Variants in GRIK1 observed in about 807,000 individuals in gnomAD.
The protein encoded by GRIK1 is glutamate ionotropic receptor kainate type subunit 1.
In GRIK1, 69 loss-of-function variants were observed where a neutral mutation model predicts 105.7. The ratio of observed to expected loss-of-function variants is 0.65; its 90% confidence interval spans 0.54 to 0.80. The LOEUF is 0.80. Among genes scored for constraint, GRIK1 ranks in the 30% least tolerant of loss-of-function variants. The pLI is 0.00. For synonymous variants in GRIK1, 438 were observed against 431.3 expected, an observed-to-expected ratio of 1.02 and a Z score of -0.19; for missense variants, 1,109 against 1,167.3, an observed-to-expected ratio of 0.95 and a Z score of 0.73.
intron 1 of GRIK1, among the ~76,000 whole-genome samples, chr21:29,919,751 A>G (rs1429861788): frequency 1.3e-5 from 2 of 152,184 alleles, no homozygotes; most frequent in Non-Finnish European, 2.9e-5. Flanking sequence ...TTTACAAAGC[A>G]TGAGGTTGAA....
chr21:29,899,102 A>G (rs7276856), intron 1 of GRIK1, among the ~76,000 whole-genome samples: 13 of 152,336 alleles, frequency 8.5e-5, no homozygotes, highest in African/African-American at 3.1e-4. Context: ...TAAATGATTT[A>G]CCAAATTGAA....
At chr21:29,789,428 A>G (rs911239568) in intron 1 of GRIK1, among the ~76,000 whole-genome samples, 6 of 152,222 alleles carry the variant, frequency 3.9e-5, no homozygotes, top group African/African-American at 1.2e-4. Context: ...TGGAGTCATA[A>G]TAATCCCTCC....
intron 1 of GRIK1, among the ~76,000 whole-genome samples, chr21:29,932,567 AT>A (rs1208258523): frequency 1.3e-5 from 2 of 151,984 alleles, no homozygotes; most frequent in African/African-American, 4.8e-5. Context: ...TAATTACTTT[AT>A]TATTTCAAAC....
intron 1 of GRIK1, among the ~76,000 whole-genome samples, chr21:29,769,801 G>A (rs919995542): frequency 6.6e-6 from 1 of 152,116 alleles, no homozygotes; most frequent in Non-Finnish European, 1.5e-5. Context: ...GCCCTCAGGA[G>A]CAACCAACCC....
chr21:29,556,784 TA>T (rs2090267753), intron 15 of GRIK1, among the ~76,000 whole-genome samples: 1 of 152,190 alleles, frequency 6.6e-6, no homozygotes, highest in Non-Finnish European at 1.5e-5. Flanking sequence ...GAACTTTGAA[TA>T]GAAGGATTGA....
At chr21:29,904,255 A>T (rs1038383620) in intron 1 of GRIK1, among the ~76,000 whole-genome samples, 24 of 152,286 alleles carry the variant, frequency 1.6e-4, no homozygotes, top group African/African-American at 5.8e-4. Context: ...CATGTATCCC[A>T]GAACTTAAAG....
chr21:29,543,294 A>G (rs1047255046), intron 16 of GRIK1, among the ~76,000 whole-genome samples: 1 of 152,208 alleles, frequency 6.6e-6, no homozygotes, highest in Non-Finnish European at 1.5e-5. Flanking sequence ...GAATAGGAAC[A>G]GAAGAATTGT....
At chr21:29,729,121 G>A (rs940101907) in intron 1 of GRIK1, among the ~76,000 whole-genome samples, 2 of 152,122 alleles carry the variant, frequency 1.3e-5, no homozygotes, top group Non-Finnish European at 2.9e-5. Context: ...ATTCCCCAAA[G>A]CTTCCTTGAC....
At chr21:29,848,236 C>T (rs146836415) in intron 1 of GRIK1, among the ~76,000 whole-genome samples, 2 of 152,034 alleles carry the variant, frequency 1.3e-5, no homozygotes, top group African/African-American at 2.4e-5. Context: ...TCTTTCTGTC[C>T]CCGCCAATGT....
chr21:29,629,226 G>GTGTGTGTGTGTGTT (rs1405000278), intron 7 of GRIK1, among the ~76,000 whole-genome samples: 2 of 150,572 alleles, frequency 1.3e-5, no homozygotes, highest in African/African-American at 4.9e-5. Flanking sequence ...GTGTGTGTGT[G>GTGTGTGTGTGTGTT]TGTGTGTGCT....
In GRIK1 at chr21:29,636,692, T is replaced by A. The variant is rs2284457; in HGVS notation, c.1098+6134A>T. On this transcript the variant is annotated intron_variant, in intron 7 of 17. Transcript: ENST00000327783. The stretch of plus-strand genomic sequence containing the variant: ...TGTTTCCCTTTCAGCTCTTTATGAA[T>A]GGTGATCACTTCTAAACCAAGACAT... Among the ~76,000 whole-genome samples, 1,281 of 152,310 alleles carry A rather than the reference T, an allele frequency of 8.4e-3. 49 individuals are homozygous for A. In the East Asian group the frequency reaches 0.13, roughly 16 times the overall value.
intron 1 of GRIK1, among the ~76,000 whole-genome samples, chr21:29,875,003 T>TA (rs1371676800): frequency 6.4e-5 from 9 of 141,110 alleles, no homozygotes; most frequent in African/African-American, 2.8e-4. Context: ...GTTTCAGGGT[T>TA]TTTTTTTTTT....
intron 1 of GRIK1, among the ~76,000 whole-genome samples, chr21:29,720,024 C>T (rs536109679): frequency 1.5e-4 from 23 of 152,308 alleles, no homozygotes; most frequent in Non-Finnish European, 3.2e-4. Flanking sequence ...AGGATCCAAG[C>T]TGCTCAAGAC....
chr21:29,696,644 T>A lies in GRIK1; in HGVS notation c.119-2581A>T, dbSNP rs1429403549. Among the ~76,000 whole-genome samples, 4 of 152,186 alleles carry A rather than the reference T, an allele frequency of 2.6e-5. No individual in the cohort carries two copies. The South Asian group carries it at 8.3e-4, about 32-fold the overall frequency. ...CACAGTGATTATGAACAATGACTTG[T>A]TTACTTGTCTGTCTCCTCAGCCCCA... is the stretch of plus-strand genomic sequence containing the variant. On this transcript the variant is annotated intron_variant, in intron 1 of 17. Transcript: ENST00000327783.
chr21:29,773,825 G>A (rs902414113), intron 1 of GRIK1, among the ~76,000 whole-genome samples: 9 of 152,226 alleles, frequency 5.9e-5, no homozygotes, highest in African/African-American at 1.9e-4. Context: ...GTATTTTGTG[G>A]AAAAATCTGT....
At chr21:29,921,965 C>T (rs1417200190) in intron 1 of GRIK1, among the ~76,000 whole-genome samples, 2 of 152,094 alleles carry the variant, frequency 1.3e-5, no homozygotes, top group South Asian at 2.1e-4. Flanking sequence ...TGATAGCATC[C>T]TAAAGTAGTC....
At chr21:29,922,339 A>G (rs1039864813) in intron 1 of GRIK1, among the ~76,000 whole-genome samples, 5 of 152,144 alleles carry the variant, frequency 3.3e-5, no homozygotes, top group Middle Eastern at 3.2e-3. Flanking sequence ...AGTTTTCTAT[A>G]TATTTGTTTA....
intron 1 of GRIK1, among the ~76,000 whole-genome samples, chr21:29,871,830 C>T (rs2045877270): frequency 7.1e-6 from 1 of 139,922 alleles, no homozygotes; most frequent in African/African-American, 2.7e-5. Flanking sequence ...GTGACACGAT[C>T]TCAGCTCACT....
chr21:29,626,623 A>C (rs2062137965), intron 7 of GRIK1, among the ~76,000 whole-genome samples: 1 of 152,130 alleles, frequency 6.6e-6, no homozygotes, highest in Non-Finnish European at 1.5e-5. Flanking sequence ...AACTTGTATT[A>C]ATAGGGCACT....
Sources: gnomAD v4.1 joint callset for allele counts (sites outside exome capture counted in the v4.1 genomes callset) on GRCh38, gnomAD v4.1.1 for gene constraint, MANE v1.5 for transcripts, NCBI Gene and HGNC (gene_info 2026-07-23, HGNC 2026-07-21) for gene names.